The following CSMD2 variants were observed in gnomAD, a reference collection of about 807,000 sequenced individuals.
The protein encoded by CSMD2 is CUB and Sushi multiple domains 2.
A neutral mutation model predicts 398.5 loss-of-function variants in CSMD2; 130 were observed. The ratio of observed to expected loss-of-function variants is 0.33; its 90% CI spans 0.28 to 0.38. The LOEUF (loss-of-function observed/expected upper bound fraction) is 0.38, where lower values mean the gene tolerates loss of function less well. Among genes scored for constraint, CSMD2 ranks in the 10% least tolerant of loss-of-function variants. CSMD2 has a pLI of 1.00. For missense variants in CSMD2, 3,829 were observed against 4,764.9 expected (o/e 0.80, Z 5.78); for synonymous variants, 1,828 against 1,908.5 (o/e 0.96, Z 1.10).
intron 13 of CSMD2, among the ~76,000 whole-genome samples, chr1:33,753,078 T>G (rs1221357610): frequency 6.6e-6 from 1 of 152,184 alleles, no homozygotes; most frequent in East Asian, 1.9e-4. Flanking sequence ...GCACAAAAGT[T>G]TGGAAAATTT....
chr1:33,668,841 T>A (rs193118378), intron 25 of CSMD2, among the ~76,000 whole-genome samples: 93 of 152,338 alleles, frequency 6.1e-4, no homozygotes, highest in Admixed American at 1.2e-3. Flanking sequence ...TGTCAAGCTC[T>A]GTGTTGAGAG....
At chr1:34,121,136 T>C (rs1011451171) in intron 1 of CSMD2, among the ~76,000 whole-genome samples, 9 of 152,208 alleles carry the variant, frequency 5.9e-5, no homozygotes, top group Non-Finnish European at 1.3e-4. Context: ...AGTTGTTGAA[T>C]GAATGAGCGA....
At chr1:33,606,059 TC>T in intron 41 of CSMD2, 1 of 1,541,070 alleles carries the variant, frequency 6.5e-7, no homozygotes, top group Non-Finnish European at 8.7e-7. Flanking sequence ...ACAAAGCAAG[TC>T]CCTCCAAAGG....
At chr1:34,022,852 G>T (rs774465639) in intron 3 of CSMD2, among the ~76,000 whole-genome samples, 26 of 152,146 alleles carry the variant, frequency 1.7e-4, no homozygotes, top group Non-Finnish European at 1.9e-4. Context: ...GTTTGTTTGA[G>T]ACAGAATCTT....
chr1:33,591,536 T>G (rs1422519950), intron 44 of CSMD2, among the ~76,000 whole-genome samples: 3 of 152,090 alleles, frequency 2.0e-5, no homozygotes, highest in Admixed American at 6.6e-5. Flanking sequence ...ATCACCTGAG[T>G]TTTTAAAATC....
At chr1:33,988,266 C>T (rs542028579) in intron 3 of CSMD2, among the ~76,000 whole-genome samples, 1 of 152,304 alleles carries the variant, frequency 6.6e-6, no homozygotes, top group East Asian at 1.9e-4. Context: ...GTAGCCAGGA[C>T]ATGGAGGAGA....
chr1:33,970,311 T>A (rs1372548459), intron 3 of CSMD2, among the ~76,000 whole-genome samples: 1 of 152,080 alleles, frequency 6.6e-6, no homozygotes, highest in Non-Finnish European at 1.5e-5. Context: ...CCCCATGTGG[T>A]GATGGTGCCC....
intron 10 of CSMD2, among the ~76,000 whole-genome samples, chr1:33,809,786 A>G (rs908317314): frequency 1.3e-5 from 2 of 152,112 alleles, no homozygotes; most frequent in Non-Finnish European, 2.9e-5. Flanking sequence ...AAGCCCAAAG[A>G]ATTCAGATAC....
intron 6 of CSMD2, chr1:33,839,488 T>C (rs1950894): frequency 0.53 from 84,727 of 160,500 alleles, 22,621 homozygotes; most frequent in East Asian, 0.65. Context: ...GTTGGAGCAG[T>C]CATTGTGACC....
chr1:33,550,032 G>T, intron 56 of CSMD2, 145 bp downstream of exon 56: 1 of 762,274 alleles, frequency 1.3e-6, no homozygotes, highest in Non-Finnish European at 2.1e-6. Flanking sequence ...GTCTTGCTGT[G>T]CTTTCTACCT....
At chr1:34,047,965 T>C (rs548027108) in intron 2 of CSMD2, among the ~76,000 whole-genome samples, 1 of 152,382 alleles carries the variant, frequency 6.6e-6, no homozygotes, top group Admixed American at 6.5e-5. Flanking sequence ...GGGATTTTTC[T>C]GGAGGCTGCT....
At chr1:34,106,551 G>A (rs376876688) in intron 1 of CSMD2, among the ~76,000 whole-genome samples, 1 of 152,134 alleles carries the variant, frequency 6.6e-6, no homozygotes, top group East Asian at 1.9e-4. Flanking sequence ...CTGCCAGGCT[G>A]CAAATATTTC....
intron 1 of CSMD2, among the ~76,000 whole-genome samples, chr1:34,104,699 A>G (rs1257509518): frequency 1.3e-5 from 2 of 152,330 alleles, no homozygotes; most frequent in East Asian, 1.9e-4. Flanking sequence ...CAAGTCTACA[A>G]TCAGCCTCTG....
intron 4 of CSMD2, among the ~76,000 whole-genome samples, chr1:33,933,147 G>A (rs921816185): frequency 2.6e-5 from 4 of 152,192 alleles, no homozygotes; most frequent in Non-Finnish European, 4.4e-5. Context: ...ACATGCAGAC[G>A]CCTTCGTTGA....
At chr1:33,967,307 G>T (rs1026712413) in intron 3 of CSMD2, among the ~76,000 whole-genome samples, 5 of 151,666 alleles carry the variant, frequency 3.3e-5, no homozygotes, top group Non-Finnish European at 1.5e-5. Context: ...GATATTTGAG[G>T]ATCTGGGAAT....
At chr1:33,945,776 T>TCCAGCA (rs977843829) in intron 3 of CSMD2, among the ~76,000 whole-genome samples, 1 of 152,124 alleles carries the variant, frequency 6.6e-6, no homozygotes, top group African/African-American at 2.4e-5. Flanking sequence ...TGTGAACCTC[T>TCCAGCA]CCAGCACCTG....
In CSMD2 at chr1:33,828,468, G is replaced by T. The variant is rs1659072629; in HGVS notation, c.1034-2694C>A. Among the ~76,000 whole-genome samples the T allele has an allele frequency of 2.6e-5, 4 of 152,180 alleles. No homozygotes were observed. In the South Asian group the frequency reaches 8.3e-4, roughly 32 times the overall value. ...CTGTGGAGATGGCTCAGGGCACCTGGCCAAGTGGGAGGTGAAGAAAGAGTC... is the reference window on the plus strand; with the variant it reads ...CTGTGGAGATGGCTCAGGGCACCTGTCCAAGTGGGAGGTGAAGAAAGAGTC... On this transcript the variant is annotated intron_variant, in intron 6 of 70. Transcript: ENST00000373381.
At chr1:34,016,013 CTGTGTGTGTG>C (rs72213161) in intron 3 of CSMD2, among the ~76,000 whole-genome samples, 6 of 149,104 alleles carry the variant, frequency 4.0e-5, no homozygotes, top group South Asian at 2.2e-4. Flanking sequence ...ACTCCTTGCT[CTGTGTGTGTG>C]TGTGTGTGTG....
chr1:33,653,309 A>G (rs1449181212), intron 27 of CSMD2, among the ~76,000 whole-genome samples: 2 of 152,180 alleles, frequency 1.3e-5, no homozygotes, highest in Non-Finnish European at 2.9e-5. Context: ...ACTGCCTCAC[A>G]TCGGCTTCCC....
Sources: allele counts gnomAD v4.1 joint callset (sites outside exome capture counted in the v4.1 genomes callset), GRCh38; gene constraint gnomAD v4.1.1; transcripts MANE v1.5; gene names NCBI Gene and HGNC (gene_info 2026-07-23, HGNC 2026-07-21).